The following FKBP5 variants were observed in gnomAD, a reference collection of about 807,000 sequenced individuals.
FKBP5 encodes the protein peptidyl-prolyl cis-trans isomerase FKBP5.
In FKBP5, 23 loss-of-function variants were observed where a neutral mutation model predicts 50.5. The observed-to-expected ratio is 0.46, with a 90% CI of 0.33 to 0.65. The LOEUF is 0.65. FKBP5 is among the 30% of genes least tolerant of loss of function. The probability of loss-of-function intolerance (pLI) is 0.02; values close to 1 mark genes in which losing one functional copy is unlikely to be tolerated. For missense variants in FKBP5, 411 were observed against 553.1 expected (o/e 0.74, Z 2.58); for synonymous variants, 176 against 190.6 (o/e 0.92, Z 0.63).
At position 35,605,742 on chromosome 6, in the gene FKBP5, A is replaced by G. The variant is rs536506239; in HGVS notation, c.509-8338T>C. Among the ~76,000 whole-genome samples the G allele has an allele frequency of 9.2e-5, 14 of 152,226 alleles. 1 individual carries two copies. In the East Asian group the frequency reaches 2.7e-3, roughly 29 times the overall value. On this transcript the variant is annotated intron_variant, in intron 5 of 10. Coordinates refer to ENST00000357266, the MANE Select transcript of FKBP5 (RefSeq NM_004117.4). ...GGCAAAAGTTGGAAGCATTCCGCCT[A>G]AGAACTGGAAAAAAACAGGGTGTCC...
intron 1 of FKBP5, among the ~76,000 whole-genome samples, chr6:35,650,299 CAAAAAA>C (rs34190034): frequency 1.0e-5 from 1 of 99,906 alleles, no homozygotes; most frequent in Admixed American, 1.1e-4. Context: ...AGATATTGTC[CAAAAAA>C]AAAAAAAAAA....
At chr6:35,597,908 C>T (rs573910026) in intron 5 of FKBP5, among the ~76,000 whole-genome samples, 1 of 152,320 alleles carries the variant, frequency 6.6e-6, no homozygotes, top group African/African-American at 2.4e-5. Context: ...GTCCTAATCT[C>T]ATTCACAAAT....
In FKBP5 at chr6:35,575,925, T is replaced by C; in HGVS notation, c.1284A>G (p.Ala428=). ...EQDAKEEANK[A]MGKKTSEGVT... Reference sequence around the variant, plus strand: ...CCCCTTCTGAAGTCTTCTTGCCCATTGCTTTATTGGCCTCTTCCTAAGGAA... The same window carrying C: ...CCCCTTCTGAAGTCTTCTTGCCCATCGCTTTATTGGCCTCTTCCTAAGGAA... The change falls in exon 11 of 11, where the codon GCA becomes GCG. Residue 428 remains alanine, a synonymous_variant. Coordinates refer to ENST00000357266, the MANE Select transcript of FKBP5 (RefSeq NM_004117.4). The C allele has an allele frequency of 3.7e-6, 6 of 1,611,304 alleles. No individual in the cohort carries two copies. Among genetic ancestry groups the C allele is most frequent in the Non-Finnish European group, 5.1e-6 (6 of 1,177,446 alleles).
intron 5 of FKBP5, among the ~76,000 whole-genome samples, chr6:35,612,418 T>G (rs989741514): frequency 2.0e-5 from 3 of 152,074 alleles, no homozygotes; most frequent in African/African-American, 7.2e-5. Flanking sequence ...GAGTCAAGGA[T>G]CTTTTTCCTT....
intron 1 of FKBP5, among the ~76,000 whole-genome samples, chr6:35,668,264 T>C (rs1765284574): frequency 6.6e-6 from 1 of 152,214 alleles, no homozygotes; most frequent in African/African-American, 2.4e-5. Context: ...CCCTTTATGC[T>C]GGAAACAGCA....
intron 2 of FKBP5, among the ~76,000 whole-genome samples, chr6:35,694,293 G>A (rs555444760): frequency 3.3e-5 from 5 of 152,220 alleles, no homozygotes; most frequent in African/African-American, 1.2e-4. Context: ...CTACAGGTGT[G>A]TGCCAACATG....
At chr6:35,654,648 G>C (rs1764899261) in intron 1 of FKBP5, among the ~76,000 whole-genome samples, 2 of 152,114 alleles carry the variant, frequency 1.3e-5, no homozygotes, top group Admixed American at 1.3e-4. Context: ...TTTTGAGATG[G>C]AGTCTTGATC....
Position 35,580,526 on chromosome 6 carries a change from CTTTTTTTTTTTTTTTT to C in FKBP5, c.841-321_841-306del, listed in dbSNP as rs34594222. 42 of 54,684 alleles carry C rather than the reference CTTTTTTTTTTTTTTTT, an allele frequency of 7.7e-4. 1 individual carries two copies. The highest frequency in any genetic ancestry group is 1.1e-3 in the Non-Finnish European group (37 of 33,036). 3.4% of individuals were successfully genotyped at this position (54,684 alleles called of 1,614,324 possible). ...TTCTTTGGTGCTAATATTCTTTAGT[CTTTTTTTTTTTTTTTT>C]TTTTTTTTTTTTTTGAGACACAGTC... is the stretch of plus-strand genomic sequence containing the variant. On this transcript the variant is annotated intron_variant, in intron 8 of 10. Transcript: ENST00000357266.
intron 1 of FKBP5, among the ~76,000 whole-genome samples, chr6:35,721,873 GA>G (rs1385626132): frequency 6.6e-6 from 1 of 152,252 alleles, no homozygotes; most frequent in East Asian, 1.9e-4. Flanking sequence ...AATCCTTGCA[GA>G]GGATTACTGG....
At chr6:35,639,183 T>C (rs1463881692) in intron 2 of FKBP5, among the ~76,000 whole-genome samples, 1 of 152,224 alleles carries the variant, frequency 6.6e-6, no homozygotes, top group African/African-American at 2.4e-5. Flanking sequence ...TAGATTACTA[T>C]AGGACAGGCA....
At position 35,710,994 on chromosome 6, in the gene FKBP5, C is replaced by T. The variant is rs11963190; in HGVS notation, c.-20+9334G>A. Among the ~76,000 whole-genome samples, 1,306 of 152,236 alleles carry T rather than the reference C, an allele frequency of 8.6e-3. 15 individuals carry two copies. The highest frequency in any genetic ancestry group is 0.028 in the African/African-American group (1,151 of 41,532). On this transcript the variant is annotated intron_variant, in intron 2 of 11. Transcript: ENST00000536438. ...AGACTGGACCGGGTAGGGATGGGCC[C>T]TTGCTTGGGCCAGGTAGCGATTGAT... is the stretch of plus-strand genomic sequence containing the variant.
chr6:35,721,080 G>A (rs532218042), intron 1 of FKBP5, among the ~76,000 whole-genome samples: 10 of 152,200 alleles, frequency 6.6e-5, no homozygotes, highest in South Asian at 6.2e-4. Flanking sequence ...GGCCGGGCAC[G>A]GTGGCTCACA....
chr6:35,653,008 T>A (rs1764853510), intron 1 of FKBP5, among the ~76,000 whole-genome samples: 1 of 152,048 alleles, frequency 6.6e-6, no homozygotes. Context: ...GGTCCCCCGA[T>A]AAGAAGGGAT....
chr6:35,701,306 G>C (rs1470400388), intron 2 of FKBP5, among the ~76,000 whole-genome samples: 1 of 147,944 alleles, frequency 6.8e-6, no homozygotes, highest in Non-Finnish European at 1.5e-5. Context: ...TGCAGTGGCG[G>C]GATCTCGGCT....
chr6:35,684,181 CTTTT>C (rs1057487502), intron 1 of FKBP5, among the ~76,000 whole-genome samples: 10 of 143,720 alleles, frequency 7.0e-5, no homozygotes, highest in Non-Finnish European at 1.4e-4. Flanking sequence ...GTAATTGTAT[CTTTT>C]TTTTTTTTTT....
chr6:35,691,641 G>A (rs1309572967), upstream of FKBP5, among the ~76,000 whole-genome samples: 1 of 152,136 alleles, frequency 6.6e-6, no homozygotes, highest in African/African-American at 2.4e-5. Flanking sequence ...TGGCAGCCTT[G>A]CTAGCCCCAC....
intron 1 of FKBP5, among the ~76,000 whole-genome samples, chr6:35,721,282 G>A (rs1204913133): frequency 6.6e-6 from 1 of 151,914 alleles, no homozygotes; most frequent in Non-Finnish European, 1.5e-5. Context: ...AACTCGAGAG[G>A]TGGAGGTTGC....
chr6:35,578,846 C>T (rs980761985), intron 9 of FKBP5, among the ~76,000 whole-genome samples: 1 of 151,770 alleles, frequency 6.6e-6, no homozygotes, highest in Non-Finnish European at 1.5e-5. Flanking sequence ...TGCTATATGA[C>T]TGCTTCTGTC....
At chr6:35,640,667 G>C (rs1442328503) in intron 2 of FKBP5, among the ~76,000 whole-genome samples, 1 of 151,844 alleles carries the variant, frequency 6.6e-6, no homozygotes, top group Non-Finnish European at 1.5e-5. Context: ...ATGACACTTA[G>C]AACACAAACA....
Sources: allele counts gnomAD v4.1 joint callset (sites outside exome capture counted in the v4.1 genomes callset), GRCh38; gene constraint gnomAD v4.1.1; transcripts MANE v1.5; gene names NCBI Gene and HGNC (gene_info 2026-07-23, HGNC 2026-07-21).